TJP1: variants seen among roughly 807,000 people sequenced by gnomAD.
TJP1 encodes the protein tight junction protein 1, also known as tight junction protein ZO-1.
A neutral mutation model predicts 194.2 loss-of-function variants in TJP1; 43 were observed. The observed-to-expected ratio is 0.22, with a 90% CI of 0.17 to 0.29. The LOEUF (loss-of-function observed/expected upper bound fraction) is 0.29, where lower values mean the gene tolerates loss of function less well. Ranked by LOEUF, TJP1 falls within the 10% of genes least tolerant of loss-of-function variation. The probability of loss-of-function intolerance (pLI) is 1.00; values close to 1 mark genes in which losing one functional copy is unlikely to be tolerated. For synonymous variants in TJP1, 801 were observed against 779.0 expected (o/e 1.03, Z -0.47); for missense variants, 1,971 against 2,185.7 (o/e 0.90, Z 1.96).
chr15:29,796,496 A>C (rs2048422132), intron 2 of TJP1, among the ~76,000 whole-genome samples: 1 of 152,152 alleles, frequency 6.6e-6, no homozygotes, highest in African/African-American at 2.4e-5. Flanking sequence ...CTATTTGCCA[A>C]AAACTACAAT....
chr15:29,751,978 T>A (rs1009803142), intron 8 of TJP1, among the ~76,000 whole-genome samples: 1 of 152,130 alleles, frequency 6.6e-6, no homozygotes, highest in African/African-American at 2.4e-5. Flanking sequence ...AGGCTACAGT[T>A]CAGTGGCGTG....
chr15:29,903,139 A>G (rs1306132348), intron 2 of TJP1, among the ~76,000 whole-genome samples: 2 of 151,938 alleles, frequency 1.3e-5, no homozygotes, highest in Non-Finnish European at 2.9e-5. Flanking sequence ...CCCTCCCCAT[A>G]CATACACTTG....
rs540091792 is a variant in TJP1, at chr15:29,913,189, CA to C, written c.306+43042del. Among the ~76,000 whole-genome samples, 965 of 140,032 alleles carry C rather than the reference CA, an allele frequency of 6.9e-3. 9 individuals carry two copies. The highest frequency in any genetic ancestry group is 0.021 in the African/African-American group (794 of 38,350). 91.9% of individuals were successfully genotyped at this position (140,032 alleles called of 152,430 possible). A position where few individuals can be genotyped will look rare whatever the true frequency, so the allele number is the denominator to read the frequency against. On this transcript the variant is annotated intron_variant, in intron 2 of 28. Transcript: ENST00000356107. ...ATAGTTCATGAAAGCAGGGGGATCACAAAAAAAAAAGGGGGTAGAATACGGA... is the reference window on the plus strand; with the variant it reads ...ATAGTTCATGAAAGCAGGGGGATCACAAAAAAAAAGGGGGTAGAATACGGA...
intron 2 of TJP1, among the ~76,000 whole-genome samples, chr15:29,937,257 T>C (rs2054916500): frequency 6.6e-6 from 1 of 152,162 alleles, no homozygotes; most frequent in Non-Finnish European, 1.5e-5. Context: ...TATCAGATAG[T>C]AATACACTAG....
In TJP1 at chr15:29,709,126, A is replaced by G. The variant is rs187276679; in HGVS notation, c.4373-90T>C. Reference sequence around the variant, plus strand: ...TTAACTTGTCCTGGTGCTGGAGTCGAGGCCCAAATGTGGGTCGCACAGCCA... The same window carrying G: ...TTAACTTGTCCTGGTGCTGGAGTCGGGGCCCAAATGTGGGTCGCACAGCCA... On this transcript the variant is annotated intron_variant, in intron 24 of 27. Transcript: ENST00000614355. 510 of 1,287,058 alleles carry G rather than the reference A, an allele frequency of 4.0e-4. No homozygotes were observed. The African/African-American group carries it at 6.7e-3, about 17-fold the overall frequency. The allele number at this position is 1,287,058 out of a possible 1,614,324, so 79.7% of individuals were successfully genotyped here.
Position 29,801,467 on chromosome 15 carries a change from T to A in TJP1, c.28-765A>T, listed in dbSNP as rs868040287. 7.1e-3 allele frequency among the ~76,000 whole-genome samples: 1,062 copies of A among 150,372 alleles called. 4 individuals are homozygous for A. Among genetic ancestry groups the A allele is most frequent in the Admixed American group, 0.013 (195 of 15,154 alleles). On this transcript the variant is annotated intron_variant, in intron 1 of 27. Transcript: ENST00000614355. The stretch of plus-strand genomic sequence containing the variant: ...TAGAGAGGAAAATAAATTATTATTT[T>A]TTTTTTTTTTTTGAGACGGAGTCTC...
intron 15 of TJP1, among the ~76,000 whole-genome samples, chr15:29,731,643 C>T (rs1387231635): frequency 6.6e-6 from 1 of 152,136 alleles, no homozygotes; most frequent in Admixed American, 6.5e-5. Context: ...ATGAAGACTT[C>T]ATTGGGTTTT....
In TJP1 at chr15:29,728,030, T is replaced by A. The variant is rs767929677; in HGVS notation, c.2018-11A>T. ...CTCGTGGTTCACTCTCTATTCATTA[T>A]GTCAGGACAAAAATAAGACATCAAA... On this transcript the variant is annotated splice_polypyrimidine_tract_variant and intron_variant, in intron 15 of 27. Transcript: ENST00000614355. 1 of 1,612,848 alleles carries A rather than the reference T, an allele frequency of 6.2e-7. No individual in the cohort carries two copies. Among genetic ancestry groups the A allele is most frequent in the Admixed American group, 1.7e-5 (1 of 59,988 alleles).
chr15:29,730,751 T>C lies in TJP1; in HGVS notation c.2017+1682A>G. 3 of 767,202 alleles carry C rather than the reference T, an allele frequency of 3.9e-6. No individual in the cohort carries two copies. The South Asian group carries it at 4.0e-5, about 10-fold the overall frequency. The allele number at this position is 767,202 out of a possible 1,614,324, so 47.5% of individuals were successfully genotyped here. ...AGGCTGAAGGGGATGCTAAGGGAGA[T>C]AAAGCCAAGGTGAAGGACGAACCAC... On this transcript the variant is annotated intron_variant, in intron 15 of 27. Coordinates refer to ENST00000614355, the MANE Select transcript of TJP1 (RefSeq NM_001330239.4).
intron 2 of TJP1, among the ~76,000 whole-genome samples, chr15:29,881,461 T>C (rs966649378): frequency 4.6e-5 from 7 of 152,224 alleles, no homozygotes; most frequent in African/African-American, 1.7e-4. Context: ...GGCAGTCCAT[T>C]GTGGTAGTAA....
At chr15:29,841,914 C>A (rs569866915) in intron 2 of TJP1, among the ~76,000 whole-genome samples, 1 of 152,090 alleles carries the variant, frequency 6.6e-6, no homozygotes, top group Non-Finnish European at 1.5e-5. Flanking sequence ...ATAACTGGGG[C>A]TTTTTAAAGC....
chr15:29,726,471 T>C lies in TJP1; in HGVS notation c.2320A>G (p.Asn774Asp). Reference sequence around the variant, plus strand: ...CAACCATCATTCATTGAATTTAAGTTAATTGTAGCTGAAAATAAATTAACG... The same window carrying C: ...CAACCATCATTCATTGAATTTAAGTCAATTGTAGCTGAAAATAAATTAACG... ...NNHHLFTTTI[N>D]LNSMNDGWYG... Residue 774 changes from asparagine (N) to aspartate (D), a missense_variant, in exon 18 of 28, where the codon AAC becomes GAC. This residue lies in a region of TJP1 where 402 missense variants were observed against 484.2 expected (regional missense o/e 0.83). Transcript: ENST00000614355. 1.2e-6 allele frequency: 2 copies of C among 1,613,952 alleles called. No homozygotes were observed. The highest frequency in any genetic ancestry group is 1.7e-6 in the Non-Finnish European group (2 of 1,179,914).
At chr15:29,702,696 G>A (rs2041628735) in intron 27 of TJP1, among the ~76,000 whole-genome samples, 1 of 152,140 alleles carries the variant, frequency 6.6e-6, no homozygotes, top group Non-Finnish European at 1.5e-5. Flanking sequence ...CATTACCTAA[G>A]CAATATCTGG....
At chr15:29,765,960 A>G (rs1485632898) in intron 5 of TJP1, among the ~76,000 whole-genome samples, 1 of 152,232 alleles carries the variant, frequency 6.6e-6, no homozygotes, top group Admixed American at 6.5e-5. Context: ...CTAACAGTTA[A>G]GAAAAACACT....
At chr15:29,815,311 A>T (rs2049837087) in intron 1 of TJP1, among the ~76,000 whole-genome samples, 1 of 152,250 alleles carries the variant, frequency 6.6e-6, no homozygotes, top group Non-Finnish European at 1.5e-5. Flanking sequence ...AAATCTGTAA[A>T]CTATCCTAAT....
intron 2 of TJP1, among the ~76,000 whole-genome samples, chr15:29,883,276 C>T (rs945971789): frequency 3.7e-5 from 5 of 135,524 alleles, no homozygotes; most frequent in African/African-American, 1.1e-4. Context: ...GGTCCGTTTC[C>T]TGCAGCCCTG....
chr15:29,742,033 G>A (rs2044454790), intron 9 of TJP1, among the ~76,000 whole-genome samples: 1 of 151,898 alleles, frequency 6.6e-6, no homozygotes. Flanking sequence ...GACCAACCTG[G>A]ACAACAAAGC....
intron 5 of TJP1, among the ~76,000 whole-genome samples, chr15:29,765,822 G>A (rs2046296148): frequency 6.6e-6 from 1 of 152,196 alleles, no homozygotes; most frequent in Non-Finnish European, 1.5e-5. Flanking sequence ...AGCCTGGGAA[G>A]CAGAGGTTGC....
intron 18 of TJP1, among the ~76,000 whole-genome samples, chr15:29,721,131 T>TA (rs2042904246): frequency 6.6e-6 from 1 of 152,170 alleles, no homozygotes; most frequent in African/African-American, 2.4e-5. Context: ...ACCTATGAAA[T>TA]AAACCCAACA....
Sources: allele counts gnomAD v4.1 joint callset (sites outside exome capture counted in the v4.1 genomes callset), GRCh38; gene constraint gnomAD v4.1.1; regional missense constraint gnomAD v4.1.1; transcripts MANE v1.5; gene names NCBI Gene and HGNC (gene_info 2026-07-23, HGNC 2026-07-21).